The following TULP1 variants were observed in gnomAD, a reference collection of about 807,000 sequenced individuals.
TULP1 encodes TUB like protein 1.
A neutral mutation model predicts 67.1 loss-of-function variants in TULP1; 50 were observed. The ratio of observed to expected loss-of-function variants is 0.75; its 90% confidence interval spans 0.59 to 0.94. The LOEUF (loss-of-function observed/expected upper bound fraction) is 0.94, where lower values mean the gene tolerates loss of function less well. Ranked by LOEUF, TULP1 falls within the 40% of genes least tolerant of loss-of-function variation. TULP1 has a pLI of 0.00. For synonymous variants in TULP1, 297 were observed against 294.0 expected (o/e 1.01, Z -0.11); for missense variants, 746 against 734.1 (o/e 1.02, Z -0.19).
rs556281225 is a variant in TULP1, at chr6:35,502,175, CTTTTT to C, written c.1323+1379_1323+1383del. ...TGACTTTTTTCTTTTTAAATTTTTT[CTTTTT>C]ATTTTTTATTATTTATTTATTTATT... On this transcript the variant is annotated intron_variant, in intron 13 of 14. Transcript: ENST00000229771. 6.4e-3 allele frequency among the ~76,000 whole-genome samples: 976 copies of C among 151,860 alleles called. 8 individuals carry two copies. The highest frequency in any genetic ancestry group is 0.011 in the Non-Finnish European group (738 of 67,910).
chr6:35,512,013 ACCAACCCCAACC>A (rs1176813227), intron 3 of TULP1, 155 bp downstream of exon 3: 7 of 545,496 alleles, frequency 1.3e-5, no homozygotes, highest in East Asian at 3.2e-5. Flanking sequence ...CCCCTTCTAC[ACCAACCCCAACC>A]CCAACCCCAA....
At position 35,498,065 on chromosome 6, in the gene TULP1, C is replaced by A; in HGVS notation, c.*262G>T. 3.3e-6 allele frequency: 2 copies of A among 601,186 alleles called. No homozygotes were observed. The highest frequency in any genetic ancestry group is 5.9e-6 in the Non-Finnish European group (2 of 341,728). 37.2% of individuals were successfully genotyped at this position (601,186 alleles called of 1,614,324 possible). On this transcript the variant is annotated 3_prime_UTR_variant, in exon 15 of 15. Coordinates refer to ENST00000229771, the MANE Select transcript of TULP1 (RefSeq NM_003322.6). The surrounding 1 kb of genome is among the most constrained non-coding windows in gnomAD (Gnocchi z 6.7). ...GGGCGCGGGGAGGAGGGGGGCACAGCGGCGCAGGCGAGCTCCGAGACCAGA... is the reference window on the plus strand; with the variant it reads ...GGGCGCGGGGAGGAGGGGGGCACAGAGGCGCAGGCGAGCTCCGAGACCAGA...
chr6:35,512,090 A>C (rs1581745101), intron 3 of TULP1, 90 bp downstream of exon 3: 1 of 636,894 alleles, frequency 1.6e-6, no homozygotes, highest in Non-Finnish European at 2.2e-6. Flanking sequence ...ACCCCGTTCC[A>C]GGGCTCGGCG....
At position 35,498,386 on chromosome 6, in the gene TULP1, C is replaced by T. The variant is rs376519980; in HGVS notation, c.1570G>A (p.Ala524Thr). The T allele has an allele frequency of 1.2e-4, 195 of 1,613,564 alleles. No homozygotes were observed. The highest frequency in any genetic ancestry group is 1.6e-4 in the Non-Finnish European group (189 of 1,179,928). Residue 524 changes from alanine (A) to threonine (T), a missense_variant, in exon 15 of 15, where the codon GCC becomes ACC. Ala to Thr is a moderately conservative substitution (Grantham distance 58). Coordinates refer to ENST00000229771, the MANE Select transcript of TULP1 (RefSeq NM_003322.6). This position sits in a 1 kb window ranked among gnomAD's most constrained non-coding sequence, Gnocchi z 6.7. Reference sequence around the variant, plus strand: ...AGGGCGATGGCGAAGGCCTGCAGGGCGCACAGCGGGTACCGGTAGTCTAGG... The same window carrying T: ...AGGGCGATGGCGAAGGCCTGCAGGGTGCACAGCGGGTACCGGTAGTCTAGG... ...FTLDYRYPLCALQAFAIALSS... is the reference protein window; with the variant it reads ...FTLDYRYPLCTLQAFAIALSS...
intron 13 of TULP1, 109 bp from the exon 14 acceptor site, chr6:35,500,261 T>C (rs372287467): frequency 8.3e-7 from 1 of 1,202,248 alleles, no homozygotes; most frequent in East Asian, 2.3e-5. Flanking sequence ...GGGTGTGGCC[T>C]GGACATCTTC....
intron 8 of TULP1, among the ~76,000 whole-genome samples, chr6:35,508,924 TG>T (rs1269862661): frequency 2.0e-5 from 3 of 151,992 alleles, no homozygotes; most frequent in Non-Finnish European, 4.4e-5. Context: ...GGTGGGGGCG[TG>T]GGGACATCTC....
chr6:35,509,532 A>G, intron 7 of TULP1, 102 bp downstream of exon 7: 1 of 1,283,304 alleles, frequency 7.8e-7, no homozygotes, highest in Non-Finnish European at 1.1e-6. Flanking sequence ...GACCTGGCAA[A>G]CTCCTTACCT....
Position 35,500,090 on chromosome 6 carries a change from G to A in TULP1, c.1386C>T (p.His462=), listed in dbSNP as rs767899721. ...CATCGTTCCAGACAGGTGGCTTGTTGTGCAGTTCTATGAGGCTCTCCAGCG... is the reference window on the plus strand; with the variant it reads ...CATCGTTCCAGACAGGTGGCTTGTTATGCAGTTCTATGAGGCTCTCCAGCG... ...NKTLESLIEL[H]NKPPVWNDDS... Residue 462 remains histidine (H), a synonymous_variant, in exon 14 of 15, where the codon CAC becomes CAT. Transcript: ENST00000229771. 2 of 1,614,194 alleles carry A rather than the reference G, an allele frequency of 1.2e-6. No homozygotes were observed. The highest frequency in any genetic ancestry group is 2.2e-5 in the South Asian group (2 of 91,088).
chr6:35,508,310 G>A (rs1761122481), intron 8 of TULP1, among the ~76,000 whole-genome samples: 1 of 152,252 alleles, frequency 6.6e-6, no homozygotes, highest in South Asian at 2.1e-4. Flanking sequence ...AAACACTTCA[G>A]CAGCTGCAAA....
intron 11 of TULP1, chr6:35,504,070 C>G (rs566399305): frequency 1.9e-6 from 1 of 520,298 alleles, no homozygotes; most frequent in South Asian, 2.1e-5. Context: ...AATCCCAGCA[C>G]TTTGGGAGTC....
chr6:35,501,385 A>C (rs562901779), intron 13 of TULP1, among the ~76,000 whole-genome samples: 1 of 151,878 alleles, frequency 6.6e-6, no homozygotes, highest in Admixed American at 6.6e-5. Flanking sequence ...TCTCAGCTAC[A>C]TGAGAGGCTG....
Position 35,498,727 on chromosome 6 carries a change from TTAACTA to T in TULP1, c.1496-273_1496-268del, listed in dbSNP as rs371969058. Among the ~76,000 whole-genome samples, 410 of 152,318 alleles carry T rather than the reference TTAACTA, an allele frequency of 2.7e-3. 2 individuals are homozygous for T. The highest frequency in any genetic ancestry group is 8.9e-3 in the African/African-American group (371 of 41,564). ...GGCCATGCCTAGAGCCCGCACCTGA[TTAACTA>T]TAGGACCCTGTCAAATTTATCCAAG... On this transcript the variant is annotated intron_variant, in intron 14 of 14. Coordinates refer to ENST00000229771, the MANE Select transcript of TULP1 (RefSeq NM_003322.6). The surrounding 1 kb of genome is among the most constrained non-coding windows in gnomAD (Gnocchi z 6.7).
intron 8 of TULP1, among the ~76,000 whole-genome samples, chr6:35,506,798 C>T (rs1761097379): frequency 6.6e-6 from 1 of 152,116 alleles, no homozygotes; most frequent in Non-Finnish European, 1.5e-5. Context: ...GAGTTTTGTC[C>T]AATCTCCTAT....
Position 35,498,283 on chromosome 6 carries a change from C to T in TULP1, c.*44G>A, listed in dbSNP as rs769659127. 9 of 1,606,684 alleles carry T rather than the reference C, an allele frequency of 5.6e-6. No individual in the cohort carries two copies. The South Asian group carries it at 8.9e-5, about 16-fold the overall frequency. The stretch of plus-strand genomic sequence containing the variant: ...CCTGCCAGCCTCCACTGAATCCTTT[C>T]CCCCACGCTGACGGGCTCTGGGGGC... On this transcript the variant is annotated 3_prime_UTR_variant, in exon 15 of 15. Transcript: ENST00000229771. The surrounding 1 kb of genome is among the most constrained non-coding windows in gnomAD (Gnocchi z 6.7).
At position 35,498,890 on chromosome 6, in the gene TULP1, A is replaced by G. The variant is rs1356278822; in HGVS notation, c.1496-430T>C. On this transcript the variant is annotated intron_variant, in intron 14 of 14. Coordinates refer to ENST00000229771, the MANE Select transcript of TULP1 (RefSeq NM_003322.6). The surrounding 1 kb of genome is among the most constrained non-coding windows in gnomAD (Gnocchi z 6.7). ...GCCCCTGGTTCCCTTCCTCAGCCTC[A>G]CTGGGCACCTCTCCCTTCAATGATC... is the stretch of plus-strand genomic sequence containing the variant. Among the ~76,000 whole-genome samples the G allele has an allele frequency of 2.0e-5, 3 of 151,814 alleles. No homozygotes were observed. Among genetic ancestry groups the G allele is most frequent in the Non-Finnish European group, 4.4e-5 (3 of 67,960 alleles).
At chr6:35,511,091 G>A (rs1453809313) in intron 4 of TULP1, 81 bp from the exon 5 acceptor site, 1 of 1,588,026 alleles carries the variant, frequency 6.3e-7, no homozygotes, top group Non-Finnish European at 8.5e-7. Flanking sequence ...AGACTGCTGG[G>A]AAGTGGTGCA....
Position 35,503,112 on chromosome 6 carries a change from G to A in TULP1, c.1323+447C>T, listed in dbSNP as rs1409258210. Among the ~76,000 whole-genome samples the A allele has an allele frequency of 6.6e-6, 1 of 151,764 alleles. No individual in the cohort carries two copies. Among genetic ancestry groups the A allele is most frequent in the Non-Finnish European group, 1.5e-5 (1 of 67,936 alleles). On this transcript the variant is annotated intron_variant, in intron 13 of 14. Coordinates refer to ENST00000229771, the MANE Select transcript of TULP1 (RefSeq NM_003322.6). This position sits in a 1 kb window ranked among gnomAD's most constrained non-coding sequence, Gnocchi z 4.0. ...GCCACCATGCCCGGCTAATTTTTTT[G>A]TATTTTTAGTAGAGACGGGGTTTCA...
intron 14 of TULP1, 94 bp downstream of exon 14, chr6:35,499,887 G>T: frequency 1.4e-6 from 2 of 1,434,818 alleles, no homozygotes; most frequent in Non-Finnish European, 2.0e-6. Flanking sequence ...AAAGGCTGGT[G>T]TGTGTGTGTG....
chr6:35,505,661 C>T (rs1373855089), intron 11 of TULP1, 80 bp downstream of exon 11: 11 of 1,581,244 alleles, frequency 7.0e-6, no homozygotes, highest in Middle Eastern at 1.7e-4. Context: ...GGTGCTCTAC[C>T]AGGCACAGCA....
Sources: allele counts gnomAD v4.1 joint callset (sites outside exome capture counted in the v4.1 genomes callset), GRCh38; gene constraint gnomAD v4.1.1; non-coding constraint Gnocchi (gnomAD v3.1); transcripts MANE v1.5; gene names NCBI Gene and HGNC (gene_info 2026-07-23, HGNC 2026-07-21).